THG1L: variants seen among roughly 807,000 people sequenced by gnomAD.
THG1L encodes the protein probable tRNA(His) guanylyltransferase.
Under a neutral mutation model 35.2 loss-of-function variants are expected in THG1L, and 27 were observed. The ratio of observed to expected loss-of-function variants is 0.77; its 90% CI spans 0.57 to 1.06. The LOEUF is 1.06. THG1L is among the 50% of genes least tolerant of loss of function. THG1L has a pLI of 0.00. For missense variants in THG1L, 377 were observed against 371.8 expected, an observed-to-expected ratio of 1.01 and a Z score of -0.12; for synonymous variants, 135 against 132.4, an observed-to-expected ratio of 1.02 and a Z score of -0.14.
At position 157,739,643 on chromosome 5, in the gene THG1L, G is replaced by C; in HGVS notation, c.*161G>C. The C allele has an allele frequency of 1.3e-6, 1 of 760,052 alleles. No homozygotes were observed. The highest frequency in any genetic ancestry group is 2.0e-6 in the Non-Finnish European group (1 of 496,374). 47.1% of individuals were successfully genotyped at this position (760,052 alleles called of 1,614,324 possible). A position where few individuals can be genotyped will look rare whatever the true frequency, so the allele number is the denominator to read the frequency against. The stretch of plus-strand genomic sequence containing the variant: ...AACAGGGAAGGAAGGGATGGATGGG[G>C]GTGGTGTATCTTACTCTGTTTAAGC... On this transcript the variant is annotated 3_prime_UTR_variant, in exon 6 of 6. Transcript: ENST00000231198.
intron 2 of THG1L, among the ~76,000 whole-genome samples, chr5:157,733,871 T>G (rs1343375523): frequency 6.6e-6 from 1 of 151,872 alleles, no homozygotes; most frequent in Non-Finnish European, 1.5e-5. Context: ...ACTAAGGAGG[T>G]TGAGGCAGGA....
intron 4 of THG1L, among the ~76,000 whole-genome samples, chr5:157,737,033 A>G (rs1760907279): frequency 6.6e-6 from 1 of 152,038 alleles, no homozygotes; most frequent in Admixed American, 6.6e-5. Flanking sequence ...CCTGGGCTCC[A>G]GCAGTCCGCC....
Position 157,731,582 on chromosome 5 carries a change from C to G in THG1L, c.142C>G (p.Leu48Val). ...VRDFEADDTC[L>V]AHCWVVVRLD... ...GGACTTCGAGGCTGACGACACCTGC[C>G]TGGCACACTGCTGGGTGGTAGTGCG... Residue 48 changes from leucine (L) to valine (V), a missense_variant, in exon 1 of 6, where the codon CTG (leucine) becomes GTG (valine). Coordinates refer to ENST00000231198, the MANE Select transcript of THG1L (RefSeq NM_017872.5). 3 of 1,611,282 alleles carry G rather than the reference C, an allele frequency of 1.9e-6. No individual in the cohort carries two copies. Among genetic ancestry groups the G allele is most frequent in the East Asian group, 2.2e-5 (1 of 44,658 alleles).
intron 4 of THG1L, among the ~76,000 whole-genome samples, chr5:157,736,182 G>T (rs981872127): frequency 5.9e-5 from 9 of 151,842 alleles, no homozygotes; most frequent in Admixed American, 5.2e-4. Context: ...CACTGGCTCT[G>T]CATTCCCACG....
chr5:157,735,334 TACAC>T (rs147444070), intron 3 of THG1L, among the ~76,000 whole-genome samples: 3 of 150,772 alleles, frequency 2.0e-5, no homozygotes, highest in Non-Finnish European at 4.4e-5. Flanking sequence ...CAGCTACCTT[TACAC>T]ACACACACAC....
rs745844067 is a variant in THG1L, at chr5:157,739,388, C to T, written c.803C>T (p.Thr268Ile). The T allele has an allele frequency of 6.2e-7, 1 of 1,613,868 alleles. No homozygotes were observed. Among genetic ancestry groups the T allele is most frequent in the Non-Finnish European group, 8.5e-7 (1 of 1,179,878 alleles). Residue 268 changes from threonine (T) to isoleucine (I), a missense_variant, in exon 6 of 6, where the codon ACC becomes ATC. By Grantham distance (89) the Thr-to-Ile change is moderately conservative. Coordinates refer to ENST00000231198, the MANE Select transcript of THG1L (RefSeq NM_017872.5). ...TEMEGKKMAV[T>I]RTRTKPVPLH... ...ATGGAAGGAAAAAAGATGGCAGTGACCCGGACCAGGACAAAGCCAGTGCCC... is the reference window on the plus strand; with the variant it reads ...ATGGAAGGAAAAAAGATGGCAGTGATCCGGACCAGGACAAAGCCAGTGCCC...
At position 157,739,651 on chromosome 5, in the gene THG1L, A is replaced by T; in HGVS notation, c.*169A>T. The T allele has an allele frequency of 7.4e-6, 5 of 679,320 alleles. No homozygotes were observed. The highest frequency in any genetic ancestry group is 1.1e-5 in the Non-Finnish European group (5 of 436,926). 42.1% of individuals were successfully genotyped at this position (679,320 alleles called of 1,614,324 possible). A position where few individuals can be genotyped will look rare whatever the true frequency, so the allele number is the denominator to read the frequency against. Reference sequence around the variant, plus strand: ...AGGAAGGGATGGATGGGGGTGGTGTATCTTACTCTGTTTAAGCAGAACACC... The same window carrying T: ...AGGAAGGGATGGATGGGGGTGGTGTTTCTTACTCTGTTTAAGCAGAACACC... On this transcript the variant is annotated 3_prime_UTR_variant, in exon 6 of 6. Transcript: ENST00000231198.
In THG1L at chr5:157,733,047, A is replaced by C. The variant is rs1193593532; in HGVS notation, c.368+3A>C. On this transcript the variant is annotated splice_donor_region_variant and intron_variant, in intron 2 of 5. Transcript: ENST00000231198. ...AATTGGTTTAAAAGAAGAGCCAGGTAATTCCATGACCTAACTCCTTTCTTC... is the reference window on the plus strand; with the variant it reads ...AATTGGTTTAAAAGAAGAGCCAGGTCATTCCATGACCTAACTCCTTTCTTC... 1.2e-6 allele frequency: 2 copies of C among 1,613,762 alleles called. No homozygotes were observed. The highest frequency in any genetic ancestry group is 3.3e-5 in the Admixed American group (2 of 60,006).
chr5:157,738,638 G>C (rs1363646777), intron 5 of THG1L: 1 of 434,026 alleles, frequency 2.3e-6, no homozygotes, highest in East Asian at 7.2e-5. Context: ...GGAGTACCTT[G>C]AGAGCTAGTC....
chr5:157,738,261 A>G (rs898894062), intron 5 of THG1L, among the ~76,000 whole-genome samples: 1 of 152,248 alleles, frequency 6.6e-6, no homozygotes, highest in African/African-American at 2.4e-5. Context: ...TGTATCCGAT[A>G]AAATCCTTTA....
At chr5:157,736,235 C>T (rs946657078) in intron 4 of THG1L, among the ~76,000 whole-genome samples, 2 of 150,960 alleles carry the variant, frequency 1.3e-5, no homozygotes, top group South Asian at 2.1e-4. Context: ...TGTATGACTG[C>T]CGTCTTCAGC....
chr5:157,732,243 A>AAG (rs1289202010), intron 1 of THG1L, among the ~76,000 whole-genome samples: 75 of 90,526 alleles, frequency 8.3e-4, no homozygotes, highest in South Asian at 1.6e-3. Flanking sequence ...AAAAAAAAAA[A>AAG]AGAGAGAGAG....
intron 3 of THG1L, 101 bp from the exon 4 acceptor site, chr5:157,735,745 C>A: frequency 1.3e-6 from 1 of 758,910 alleles, no homozygotes; most frequent in Non-Finnish European, 2.1e-6. Context: ...GATCTCTTTA[C>A]TATGAAAGAG....
Position 157,735,943 on chromosome 5 carries a change from A to T in THG1L, c.627+9A>T, listed in dbSNP as rs781507428. 1.3e-5 allele frequency: 20 copies of T among 1,557,872 alleles called. No individual in the cohort carries two copies. In the East Asian group the frequency reaches 4.3e-4, roughly 33 times the overall value. On this transcript the variant is annotated intron_variant, in intron 4 of 5. Transcript: ENST00000231198. ...CCCAAGGGAGATTACAGGTATAAAG[A>T]TCTTACTACATTAATACTTAACTGG...
At chr5:157,734,379 C>T (rs918029324) in intron 2 of THG1L, among the ~76,000 whole-genome samples, 197 bp from the exon 3 acceptor site, 1 of 152,070 alleles carries the variant, frequency 6.6e-6, no homozygotes, top group Admixed American at 6.6e-5. Context: ...CAGAGCAAGA[C>T]TCTGTCCTAA....
intron 3 of THG1L, among the ~76,000 whole-genome samples, chr5:157,735,558 A>G (rs1760849460): frequency 1.3e-5 from 2 of 152,270 alleles, no homozygotes; most frequent in African/African-American, 4.8e-5. Context: ...TTGAAATAAT[A>G]TAAATCAAAT....
chr5:157,732,813 G>A (rs142085930), intron 1 of THG1L, 55 bp from the exon 2 acceptor site: 754 of 1,597,036 alleles, frequency 4.7e-4, no homozygotes, highest in African/African-American at 2.0e-3. Flanking sequence ...GCAACAGAGC[G>A]TGTTGTTAAT....
chr5:157,737,487 A>G (rs1279033547), intron 4 of THG1L, among the ~76,000 whole-genome samples: 1 of 152,210 alleles, frequency 6.6e-6, no homozygotes, highest in Non-Finnish European at 1.5e-5. Context: ...TGTCTAAAAA[A>G]AAAAAAGGCA....
rs373012657 is a variant in THG1L at position 157,731,643 on chromosome 5, C to T, written c.191+12C>T. The T allele has an allele frequency of 2.5e-4, 397 of 1,579,770 alleles. No homozygotes were observed. In the African/African-American group the frequency reaches 4.0e-3, roughly 16 times the overall value. ...CGGAATTTCCATCGGTGAGCGAGCT[C>T]GACTCGGGGCGTCGCGATGCGCCAG... is the stretch of plus-strand genomic sequence containing the variant. On this transcript the variant is annotated intron_variant, in intron 1 of 5. Coordinates refer to ENST00000231198, the MANE Select transcript of THG1L (RefSeq NM_017872.5).
Sources: gnomAD v4.1 joint callset for allele counts (sites outside exome capture counted in the v4.1 genomes callset) on GRCh38, gnomAD v4.1.1 for gene constraint, MANE v1.5 for transcripts, NCBI Gene and HGNC (gene_info 2026-07-23, HGNC 2026-07-21) for gene names.